Variants in FHAD1 observed in about 807,000 individuals in gnomAD.
The protein encoded by FHAD1 is forkhead associated phosphopeptide binding domain 1.
A neutral mutation model predicts 191.3 loss-of-function variants in FHAD1; 146 were observed. That is an observed-to-expected ratio of 0.76 (90% CI 0.67 to 0.88). The LOEUF (loss-of-function observed/expected upper bound fraction) is 0.88. FHAD1 is among the 40% of genes least tolerant of loss of function. The probability of loss-of-function intolerance (pLI) is 0.00; values close to 1 mark genes in which losing one functional copy is unlikely to be tolerated. For missense variants in FHAD1, 1,635 were observed against 1,785.8 expected, an observed-to-expected ratio of 0.92 and a Z score of 1.52; for synonymous variants, 616 against 672.3, an observed-to-expected ratio of 0.92 and a Z score of 1.29.
Position 15,324,055 on chromosome 1 carries a change from C to T in FHAD1, c.1366-397C>T, listed in dbSNP as rs547653108. On this transcript the variant is annotated intron_variant, in intron 10 of 33. Coordinates refer to ENST00000688493, the MANE Select transcript of FHAD1 (RefSeq NM_001391957.1). ...ATCTAACACACTTATAGAGCCCTTA[C>T]GAAGCGCTGTCACTATTCCAAACTT... Among the ~76,000 whole-genome samples the T allele has an allele frequency of 3.9e-5, 6 of 152,300 alleles. No individual in the cohort carries two copies. In the East Asian group the frequency reaches 5.8e-4, roughly 15 times the overall value.
chr1:15,381,277 A>C lies in FHAD1; in HGVS notation c.3848A>C (p.Asn1283Thr). 1.3e-6 allele frequency: 2 copies of C among 1,551,724 alleles called. No individual in the cohort carries two copies. Among genetic ancestry groups the C allele is most frequent in the Non-Finnish European group, 1.7e-6 (2 of 1,147,002 alleles). The stretch of plus-strand genomic sequence containing the variant: ...CTCGGAAGTCTCATGAACATCAAGA[A>C]TATGTCAGGCCACGTGTCCATGAAA... ...KTLGSLMNIK[N>T]MSGHVSMKYL... Residue 1283 changes from asparagine to threonine, a missense_variant, in exon 30 of 34, where the codon AAT (asparagine) becomes ACT (threonine). Asn to Thr is a moderately conservative substitution (Grantham distance 65, BLOSUM62 0). Coordinates refer to ENST00000688493, the MANE Select transcript of FHAD1 (RefSeq NM_001391957.1). The surrounding 1 kb of genome is among the most constrained non-coding windows in gnomAD (Gnocchi z 4.6).
chr1:15,240,977 G>A (rs79319200), intron 1 of FHAD1, among the ~76,000 whole-genome samples: 9,251 of 139,676 alleles, frequency 0.066, 379 homozygotes, highest in East Asian at 0.1. Context: ...AAAAAAAAAA[G>A]AAAGAAAGAA....
intron 31 of FHAD1, among the ~76,000 whole-genome samples, chr1:15,386,989 A>G (rs1570567958): frequency 6.6e-6 from 1 of 151,904 alleles, no homozygotes; most frequent in East Asian, 1.9e-4. Context: ...CAGCCTTCCA[A>G]GTAGCTGGGA....
At chr1:15,314,181 C>G (rs1223072304) in intron 8 of FHAD1, among the ~76,000 whole-genome samples, 3 of 152,096 alleles carry the variant, frequency 2.0e-5, no homozygotes, top group Non-Finnish European at 4.4e-5. Flanking sequence ...TGAGATGTGT[C>G]TGTTTCGGTG....
intron 14 of FHAD1, among the ~76,000 whole-genome samples, chr1:15,336,304 CTAT>C (rs200277727): frequency 0.017 from 2,607 of 152,290 alleles, 79 homozygotes; most frequent in African/African-American, 0.059. Context: ...ACCAGGTCTG[CTAT>C]TATTATAATA....
intron 2 of FHAD1, among the ~76,000 whole-genome samples, chr1:15,270,261 G>A (rs1396930436): frequency 1.4e-4 from 21 of 152,098 alleles, no homozygotes; most frequent in African/African-American, 4.8e-5. Flanking sequence ...TGCCTTGGCC[G>A]CAGTTAGTAT....
At chr1:15,314,694 ATGTGTGTAAGTGTGTATGGG>A in intron 8 of FHAD1, 2 of 234 alleles carry the variant, frequency 8.5e-3, no homozygotes, top group African/African-American at 0.026. Context: ...GGGGATGTGG[ATGTGTGTAAGTGTGTATGGG>A]TGTGTGTGGA....
At chr1:15,265,988 A>AG (rs1394316930) in intron 2 of FHAD1, among the ~76,000 whole-genome samples, 5,242 of 146,424 alleles carry the variant, frequency 0.036, 163 homozygotes, top group South Asian at 0.13. Flanking sequence ...AAAAAAAAAA[A>AG]AGAGAGAGAG....
chr1:15,348,926 C>T (rs1463708404), intron 18 of FHAD1, 116 bp from the exon 19 acceptor site: 9 of 706,636 alleles, frequency 1.3e-5, no homozygotes, highest in East Asian at 2.8e-5. Context: ...ATTTAATAGC[C>T]GCCCCAACAC....
intron 8 of FHAD1, among the ~76,000 whole-genome samples, chr1:15,313,391 A>G (rs1216758734): frequency 6.6e-6 from 1 of 152,218 alleles, no homozygotes; most frequent in East Asian, 1.9e-4. Context: ...AAACTAAAAC[A>G]GCTGGCCACA....
chr1:15,292,060 T>G (rs1030896715), intron 4 of FHAD1, among the ~76,000 whole-genome samples: 1 of 152,218 alleles, frequency 6.6e-6, no homozygotes, highest in African/African-American at 2.4e-5. Context: ...TCTCTCAAAA[T>G]TTATATGTTG....
In FHAD1 at chr1:15,289,526, C is replaced by T. The variant is rs563528811; in HGVS notation, c.428C>T (p.Pro143Leu). The T allele has an allele frequency of 3.2e-6, 5 of 1,551,896 alleles. No homozygotes were observed. Among genetic ancestry groups the T allele is most frequent in the Admixed American group, 2.0e-5 (1 of 51,016 alleles). ...IPFHQGVQPA[P>L]MQRSWSQAFP... ...TTCCACCAAGGTGTCCAGCCAGCAC[C>T]GATGCAAAGGAGCTGGTCCCAGGCC... Residue 143 changes from proline (P) to leucine (L), a missense_variant, in exon 4 of 34, where the codon CCG becomes CTG. Transcript: ENST00000688493. The surrounding 1 kb of genome is among the most constrained non-coding windows in gnomAD (Gnocchi z 4.2).
chr1:15,247,945 A>G (rs957578688), intron 1 of FHAD1, among the ~76,000 whole-genome samples: 3 of 152,228 alleles, frequency 2.0e-5, no homozygotes, highest in Non-Finnish European at 4.4e-5. Flanking sequence ...TACAGAGTTT[A>G]ACGCATCTAA....
intron 1 of FHAD1, among the ~76,000 whole-genome samples, chr1:15,251,284 A>C (rs1032966890): frequency 3.5e-5 from 4 of 114,056 alleles, no homozygotes; most frequent in African/African-American, 1.6e-4. Context: ...AAAAAAAAAA[A>C]ACAAAAAAAA....
At chr1:15,340,040 G>A (rs1312397974) in intron 15 of FHAD1, among the ~76,000 whole-genome samples, 1 of 152,054 alleles carries the variant, frequency 6.6e-6, no homozygotes, top group Non-Finnish European at 1.5e-5. Context: ...TGGCCAGGCT[G>A]GTCTTGAACT....
At chr1:15,245,041 G>A (rs376597734), upstream of FHAD1, among the ~76,000 whole-genome samples, 18 of 152,268 alleles carry the variant, frequency 1.2e-4, no homozygotes, top group South Asian at 1.7e-3. Context: ...GAGAGTGAGC[G>A]AGGGGGAGGT....
At chr1:15,258,030 C>T (rs1211331583) in intron 2 of FHAD1, among the ~76,000 whole-genome samples, 5 of 152,048 alleles carry the variant, frequency 3.3e-5, no homozygotes, top group East Asian at 1.9e-4. Flanking sequence ...CTAGTACAGA[C>T]GGGGTTTCGC....
Position 15,329,724 on chromosome 1 carries a change from T to G in FHAD1, c.1906+183T>G. Reference sequence around the variant, plus strand: ...TCCATTAAAAAAAAAAACACACACATACAAGTGAGACACGATAACTGAAGA... The same window carrying G: ...TCCATTAAAAAAAAAAACACACACAGACAAGTGAGACACGATAACTGAAGA... On this transcript the variant is annotated intron_variant, in intron 14 of 33. Transcript: ENST00000688493. This position sits in a 1 kb window ranked among gnomAD's most constrained non-coding sequence, Gnocchi z 5.0. 1 of 536,096 alleles carries G rather than the reference T, an allele frequency of 1.9e-6. No homozygotes were observed. Among genetic ancestry groups the G allele is most frequent in the South Asian group, 2.9e-5 (1 of 34,158 alleles). 33.2% of individuals were successfully genotyped at this position (536,096 alleles called of 1,614,324 possible). A position where few individuals can be genotyped will look rare whatever the true frequency, so the allele number is the denominator to read the frequency against.
At chr1:15,391,294 C>G (rs753895300) in intron 33 of FHAD1, 31 bp downstream of exon 33, 110 of 1,265,936 alleles carry the variant, frequency 8.7e-5, no homozygotes, top group Non-Finnish European at 1.0e-4. Context: ...TTAGAATTCT[C>G]TTTTTTTGTT....
Sources: gnomAD v4.1 joint callset for allele counts (sites outside exome capture counted in the v4.1 genomes callset) on GRCh38, gnomAD v4.1.1 for gene constraint, Gnocchi (gnomAD v3.1) non-coding constraint, MANE v1.5 for transcripts, NCBI Gene and HGNC (gene_info 2026-07-23, HGNC 2026-07-21) for gene names.